CEP112: variants seen among roughly 807,000 people sequenced by gnomAD.
CEP112 encodes the protein centrosomal protein 112, also known as centrosomal protein of 112 kDa.
In CEP112, 127 loss-of-function variants were observed where a neutral mutation model predicts 153.0. That is an observed-to-expected ratio of 0.83 (90% CI 0.72 to 0.96). The LOEUF (loss-of-function observed/expected upper bound fraction) is 0.96. CEP112 is among the 40% of genes least tolerant of loss of function. The pLI, the probability that CEP112 is intolerant of heterozygous loss-of-function variation, is 0.00. For synonymous variants in CEP112, 358 were observed against 374.4 expected (o/e 0.96, Z 0.51); for missense variants, 1,089 against 1,101.2 (o/e 0.99, Z 0.16).
chr17:65,777,598 C>T (rs954316128), intron 21 of CEP112, among the ~76,000 whole-genome samples: 16 of 152,114 alleles, frequency 1.1e-4, no homozygotes, highest in Non-Finnish European at 7.3e-5. Context: ...AGGTGCTTAT[C>T]GTAGTACTCA....
At chr17:66,020,118 C>T (rs1433583267) in intron 16 of CEP112, among the ~76,000 whole-genome samples, 3 of 152,096 alleles carry the variant, frequency 2.0e-5, no homozygotes, top group Admixed American at 6.5e-5. Flanking sequence ...GAGGGCTTAC[C>T]AGACTGCAAC....
intron 8 of CEP112, among the ~76,000 whole-genome samples, chr17:66,095,380 A>C (rs181558126): frequency 1.4e-3 from 220 of 152,324 alleles, no homozygotes; most frequent in Non-Finnish European, 2.5e-3. Flanking sequence ...ACATGGATGA[A>C]CCTAGAGAAC....
intron 20 of CEP112, among the ~76,000 whole-genome samples, chr17:65,880,783 T>C (rs1489092306): frequency 6.6e-6 from 1 of 152,196 alleles, no homozygotes; most frequent in East Asian, 1.9e-4. Flanking sequence ...TCAACATCAG[T>C]TAAACGTCTG....
chr17:66,014,026 A>G (rs1373084), intron 16 of CEP112, among the ~76,000 whole-genome samples: 141,064 of 152,308 alleles, frequency 0.93, 65,560 homozygotes, highest in East Asian at 0.97. Context: ...CACAGCAGCA[A>G]GTGGGGGACG....
intron 21 of CEP112, among the ~76,000 whole-genome samples, chr17:65,803,918 G>C (rs1466345221): frequency 1.3e-5 from 2 of 152,128 alleles, no homozygotes; most frequent in East Asian, 3.8e-4. Context: ...AGTTTATAAT[G>C]ATGGACTATT....
chr17:66,122,645 C>A (rs944711916), intron 6 of CEP112, among the ~76,000 whole-genome samples: 3 of 152,146 alleles, frequency 2.0e-5, no homozygotes, highest in Non-Finnish European at 4.4e-5. Flanking sequence ...AACTCTATAT[C>A]TAATTTGATA....
At chr17:65,917,279 G>T (rs1486577323) in intron 19 of CEP112, among the ~76,000 whole-genome samples, 1 of 152,160 alleles carries the variant, frequency 6.6e-6, no homozygotes, top group African/African-American at 2.4e-5. Flanking sequence ...TTAGGAATTG[G>T]AAGAGGAAGG....
At chr17:66,028,441 T>C in intron 14 of CEP112, 36 bp from the exon 15 acceptor site, 1 of 1,259,956 alleles carries the variant, frequency 7.9e-7, no homozygotes, top group Non-Finnish European at 1.1e-6. Flanking sequence ...AAGCAGAATA[T>C]TGATTTTTGT....
intron 24 of CEP112, among the ~76,000 whole-genome samples, chr17:65,649,749 T>G (rs2143567742): frequency 6.7e-6 from 1 of 149,142 alleles, no homozygotes; most frequent in African/African-American, 2.5e-5. Context: ...TGCCCAATAT[T>G]ACTTTACAAA....
intron 23 of CEP112, among the ~76,000 whole-genome samples, chr17:65,694,102 C>T (rs909369123): frequency 2.6e-5 from 4 of 152,150 alleles, no homozygotes; most frequent in Non-Finnish European, 5.9e-5. Flanking sequence ...TCACGTTGCT[C>T]AGTGGGTCTG....
chr17:65,835,193 T>A (rs200366542), intron 21 of CEP112, among the ~76,000 whole-genome samples: 319 of 130,586 alleles, frequency 2.4e-3, no homozygotes, highest in East Asian at 3.8e-3. Flanking sequence ...AAAATAAAAG[T>A]AAAAAAAAAA....
At chr17:65,848,395 C>T (rs2057802373) in intron 21 of CEP112, among the ~76,000 whole-genome samples, 1 of 152,088 alleles carries the variant, frequency 6.6e-6, no homozygotes, top group Admixed American at 6.5e-5. Flanking sequence ...CTTGACAATC[C>T]CCCTTTCCAA....
chr17:65,819,771 A>G (rs2056438608), intron 21 of CEP112, among the ~76,000 whole-genome samples: 2 of 152,034 alleles, frequency 1.3e-5, no homozygotes, highest in Non-Finnish European at 2.9e-5. Flanking sequence ...CAGCTAGCAC[A>G]CTTCAAAAGC....
At chr17:66,095,723 T>G (rs190243083) in intron 8 of CEP112, among the ~76,000 whole-genome samples, 3 of 152,292 alleles carry the variant, frequency 2.0e-5, no homozygotes, top group Admixed American at 1.3e-4. Context: ...CAAGCTCAAT[T>G]TAGCCATTTG....
chr17:66,035,962 T>C (rs914233890), intron 12 of CEP112, among the ~76,000 whole-genome samples: 1 of 152,096 alleles, frequency 6.6e-6, no homozygotes, highest in African/African-American at 2.4e-5. Context: ...GCCTGAACAA[T>C]GTAAATGTCC....
intron 18 of CEP112, among the ~76,000 whole-genome samples, chr17:65,931,330 G>C (rs898027133): frequency 6.6e-5 from 10 of 152,126 alleles, no homozygotes; most frequent in Admixed American, 5.9e-4. Flanking sequence ...ACTAACAAAA[G>C]TCACATTACA....
chr17:66,110,569 A>G (rs1322707794), intron 6 of CEP112, among the ~76,000 whole-genome samples: 2 of 151,954 alleles, frequency 1.3e-5, no homozygotes, highest in East Asian at 3.9e-4. Flanking sequence ...TAAATTCCCA[A>G]TGGATTCGAT....
At chr17:65,675,337 C>T (rs977268437) in intron 24 of CEP112, among the ~76,000 whole-genome samples, 1 of 152,182 alleles carries the variant, frequency 6.6e-6, no homozygotes, top group African/African-American at 2.4e-5. Flanking sequence ...AACTCCACCA[C>T]CTATATTACA....
intron 24 of CEP112, among the ~76,000 whole-genome samples, chr17:65,674,569 TG>T (rs1313644420): frequency 2.0e-5 from 3 of 152,334 alleles, no homozygotes; most frequent in Middle Eastern, 3.4e-3. Flanking sequence ...CCCTATACTT[TG>T]GGTGGATTCC....
Sources: allele counts gnomAD v4.1 joint callset (sites outside exome capture counted in the v4.1 genomes callset), GRCh38; gene constraint gnomAD v4.1.1; transcripts MANE v1.5; gene names NCBI Gene and HGNC (gene_info 2026-07-23, HGNC 2026-07-21).